Variants in FRK observed in about 807,000 individuals in gnomAD.
FRK encodes fyn related Src family tyrosine kinase, also known as tyrosine-protein kinase FRK.
A neutral mutation model predicts 56.4 loss-of-function variants in FRK; 51 were observed. That is an observed-to-expected ratio of 0.90 (90% CI 0.72 to 1.14). The LOEUF (loss-of-function observed/expected upper bound fraction) is 1.14. FRK is among the 50% of genes most tolerant of loss of function. The probability of loss-of-function intolerance (pLI) is 0.00; values close to 1 mark genes in which losing one functional copy is unlikely to be tolerated. For synonymous variants in FRK, 245 were observed against 217.9 expected, an observed-to-expected ratio of 1.12 and a Z score of -1.10; for missense variants, 570 against 601.4, an observed-to-expected ratio of 0.95 and a Z score of 0.55.
intron 2 of FRK, among the ~76,000 whole-genome samples, chr6:115,973,257 T>C (rs954787914): frequency 2.0e-5 from 3 of 152,148 alleles, no homozygotes; most frequent in African/African-American, 7.2e-5. Flanking sequence ...GCTTAGCTCA[T>C]AATATATTCC....
At chr6:116,030,390 C>T (rs776920431) in intron 1 of FRK, among the ~76,000 whole-genome samples, 8 of 152,224 alleles carry the variant, frequency 5.3e-5, no homozygotes, top group African/African-American at 7.2e-5. Context: ...ATGCACCTAG[C>T]GCTCCTATCA....
chr6:115,952,570 G>A (rs1296951852), intron 5 of FRK, among the ~76,000 whole-genome samples: 1 of 151,708 alleles, frequency 6.6e-6, no homozygotes, highest in Non-Finnish European at 1.5e-5. Flanking sequence ...TCCCATTACT[G>A]GGTATATACC....
At chr6:115,945,911 G>C (rs1043683018) in intron 5 of FRK, among the ~76,000 whole-genome samples, 1 of 151,850 alleles carries the variant, frequency 6.6e-6, no homozygotes, top group African/African-American at 2.4e-5. Context: ...TAGTAGAGGG[G>C]GGTCAGCATT....
rs546489656 is a variant in FRK, at chr6:115,956,489, C to T, written c.921G>A (p.Glu307=). 20 of 1,572,202 alleles carry T rather than the reference C, an allele frequency of 1.3e-5. No homozygotes were observed. In the South Asian group the frequency reaches 2.4e-4, roughly 19 times the overall value. The stretch of plus-strand genomic sequence containing the variant: ...CTTGCAGACTTCCATGTCTCATCAA[C>T]TCTGTAATAATATAAATTGGATCTT... ...TLEDPIYIIT[E]LMRHGSLQEY... is the part of the protein sequence containing the mutation. The change falls in exon 5 of 8, where the codon GAG becomes GAA. Residue 307 remains glutamate (E), a synonymous_variant. Coordinates refer to ENST00000606080, the MANE Select transcript of FRK (RefSeq NM_002031.3).
rs529006625 is a variant in FRK at position 116,031,739 on chromosome 6, T to C, written c.345-27741A>G. 1.9e-4 allele frequency among the ~76,000 whole-genome samples: 29 copies of C among 152,246 alleles called. No individual in the cohort carries two copies. The South Asian group carries it at 6.0e-3, about 32-fold the overall frequency. On this transcript the variant is annotated intron_variant, in intron 1 of 7. Coordinates refer to ENST00000606080, the MANE Select transcript of FRK (RefSeq NM_002031.3). ...CTAGAAATAGATTCAGTTAGGTTTC[T>C]TTCAATTTGTTTCTTAAAAGATGAA...
chr6:115,936,913 T>C lies in FRK; in HGVS notation c.*5501A>G, dbSNP rs1349252857. Reference sequence around the variant, plus strand: ...TTGGAAAACACTCCTCAGGATATTATCCAGGAGAACATCCCCAACCTAGCA... The same window carrying C: ...TTGGAAAACACTCCTCAGGATATTACCCAGGAGAACATCCCCAACCTAGCA... On this transcript the variant is annotated 3_prime_UTR_variant, in exon 8 of 8. Coordinates refer to ENST00000606080, the MANE Select transcript of FRK (RefSeq NM_002031.3). The C allele has an allele frequency of 1.3e-5, 2 of 152,074 alleles. No individual in the cohort carries two copies. The highest frequency in any genetic ancestry group is 1.9e-4 in the East Asian group (1 of 5,182). The allele number at this position is 152,074 out of a possible 1,614,324, so 9.4% of individuals were successfully genotyped here.
chr6:116,032,369 T>A (rs143185860), intron 1 of FRK, among the ~76,000 whole-genome samples: 2 of 152,164 alleles, frequency 1.3e-5, no homozygotes, highest in African/African-American at 4.8e-5. Context: ...GAGAAAAGAT[T>A]GACATTTAAG....
chr6:116,082,669 C>A, the FRK span, among the ~76,000 whole-genome samples: 2 of 152,142 alleles, frequency 1.3e-5, no homozygotes, highest in Non-Finnish European at 2.9e-5. Flanking sequence ...TTTCTATTAA[C>A]TAGCTCAGGA....
At position 115,941,290 on chromosome 6, in the gene FRK, C is replaced by T. The variant is rs1309859872; in HGVS notation, c.*1124G>A. On this transcript the variant is annotated 3_prime_UTR_variant, in exon 8 of 8. Transcript: ENST00000606080. Reference sequence around the variant, plus strand: ...TTCTCACTCATAAGTGGGAGCTGAACAATGAGAACATATGGACACAAGGAG... The same window carrying T: ...TTCTCACTCATAAGTGGGAGCTGAATAATGAGAACATATGGACACAAGGAG... 7.5e-6 allele frequency: 1 copy of T among 132,938 alleles called. No homozygotes were observed. Among genetic ancestry groups the T allele is most frequent in the East Asian group, 2.5e-4 (1 of 3,926 alleles). 8.2% of individuals were successfully genotyped at this position (132,938 alleles called of 1,614,324 possible). A position where few individuals can be genotyped will look rare whatever the true frequency, so the allele number is the denominator to read the frequency against.
the FRK span, among the ~76,000 whole-genome samples, chr6:116,096,311 G>A: frequency 1.1e-4 from 16 of 152,218 alleles, no homozygotes; most frequent in Non-Finnish European, 8.8e-5. Context: ...TTAGAGGAGA[G>A]ATTGAGAGGT....
At chr6:115,987,088 T>C (rs975667403) in intron 2 of FRK, among the ~76,000 whole-genome samples, 2 of 152,088 alleles carry the variant, frequency 1.3e-5, no homozygotes, top group African/African-American at 4.8e-5. Flanking sequence ...GCTACAATCA[T>C]GGGACAAGCT....
At chr6:116,051,160 A>T (rs1396125050) in intron 1 of FRK, among the ~76,000 whole-genome samples, 1 of 152,184 alleles carries the variant, frequency 6.6e-6, no homozygotes, top group East Asian at 1.9e-4. Flanking sequence ...AAGAAATAGT[A>T]TTCTAAATGT....
chr6:116,003,691 T>C (rs1295144566), intron 2 of FRK, among the ~76,000 whole-genome samples, 186 bp downstream of exon 2: 1 of 152,222 alleles, frequency 6.6e-6, no homozygotes, highest in Non-Finnish European at 1.5e-5. Context: ...TAGAGACTTC[T>C]AGCCATAGAC....
rs189558241 is a variant in FRK, at chr6:116,032,510, T to C, written c.344+27458A>G. On this transcript the variant is annotated intron_variant, in intron 1 of 7. Coordinates refer to ENST00000606080, the MANE Select transcript of FRK (RefSeq NM_002031.3). ...CAGGTTTAATAAGTTTGCTTAATAA[T>C]ACAGAATTTGAAGAGAAATCTTTAA... 4.6e-4 allele frequency among the ~76,000 whole-genome samples: 70 copies of C among 152,244 alleles called. 1 individual carries two copies. In the East Asian group the frequency reaches 0.013, roughly 28 times the overall value.
the FRK span, among the ~76,000 whole-genome samples, chr6:116,079,104 C>T: frequency 6.6e-6 from 1 of 151,980 alleles, no homozygotes; most frequent in Non-Finnish European, 1.5e-5. Context: ...TTTTCTGGAG[C>T]GCAATGTGCA....
chr6:115,959,291 T>C (rs1478676457), intron 4 of FRK, among the ~76,000 whole-genome samples: 2 of 152,194 alleles, frequency 1.3e-5, no homozygotes, highest in African/African-American at 4.8e-5. Flanking sequence ...TAATTATTCC[T>C]GTTGGAGAGA....
chr6:116,055,572 T>C (rs988609454), intron 1 of FRK, among the ~76,000 whole-genome samples: 18 of 152,224 alleles, frequency 1.2e-4, no homozygotes, highest in Non-Finnish European at 2.5e-4. Flanking sequence ...CCCACAAAGG[T>C]ATGCCATGCT....
At chr6:116,003,454 T>G (rs1220204456) in intron 2 of FRK, among the ~76,000 whole-genome samples, 1 of 152,200 alleles carries the variant, frequency 6.6e-6, no homozygotes, top group African/African-American at 2.4e-5. Flanking sequence ...TCACATATAT[T>G]TGCATTAATC....
At chr6:115,983,681 T>C (rs1015304624) in intron 2 of FRK, among the ~76,000 whole-genome samples, 2 of 152,182 alleles carry the variant, frequency 1.3e-5, no homozygotes, top group Admixed American at 1.3e-4. Flanking sequence ...TCCTGCCTTC[T>C]TAATTCTGGC....
Sources: allele counts gnomAD v4.1 joint callset (sites outside exome capture counted in the v4.1 genomes callset), GRCh38; gene constraint gnomAD v4.1.1; transcripts MANE v1.5; gene names NCBI Gene and HGNC (gene_info 2026-07-23, HGNC 2026-07-21).